Variants in LIN28B observed in about 807,000 individuals in gnomAD.
The protein encoded by LIN28B is protein lin-28 homolog B.
Under a neutral mutation model 21.9 loss-of-function variants are expected in LIN28B, and 5 were observed. The ratio of observed to expected loss-of-function variants is 0.23; its 90% confidence interval spans 0.12 to 0.48. LIN28B has a LOEUF of 0.48. LIN28B is among the 20% of genes least tolerant of loss of function. The pLI, the probability that LIN28B is intolerant of heterozygous loss-of-function variation, is 0.98. For missense variants in LIN28B, 245 were observed against 310.5 expected (o/e 0.79, Z 1.58); for synonymous variants, 109 against 111.3 (o/e 0.98, Z 0.13).
At chr6:104,991,723 A>G (rs898528829) in intron 2 of LIN28B, among the ~76,000 whole-genome samples, 26 of 152,192 alleles carry the variant, frequency 1.7e-4, no homozygotes, top group Non-Finnish European at 3.2e-4. Context: ...CCTGGGCAAC[A>G]TTGAGCACTG....
intron 2 of LIN28B, among the ~76,000 whole-genome samples, chr6:104,992,909 G>A (rs539961053): frequency 1.5e-4 from 23 of 152,002 alleles, no homozygotes; most frequent in Non-Finnish European, 2.4e-4. Flanking sequence ...TACAGTGTGC[G>A]TCCTCAATTT....
intron 3 of LIN28B, among the ~76,000 whole-genome samples, chr6:105,065,974 C>G (rs1772211660): frequency 6.6e-6 from 1 of 152,142 alleles, no homozygotes; most frequent in African/African-American, 2.4e-5. Context: ...AAGTTCGAGA[C>G]CAGCCTAGGC....
intron 2 of LIN28B, among the ~76,000 whole-genome samples, chr6:104,974,715 A>ATG (rs1562077959): frequency 6.6e-6 from 1 of 151,998 alleles, no homozygotes; most frequent in Non-Finnish European, 1.5e-5. Flanking sequence ...CAGTATGGTT[A>ATG]TGAATCTCAC....
At chr6:105,070,693 G>T (rs565476164) in intron 3 of LIN28B, among the ~76,000 whole-genome samples, 2 of 151,824 alleles carry the variant, frequency 1.3e-5, no homozygotes, top group South Asian at 4.2e-4. Context: ...GGTAGAGGAT[G>T]ATTGGGTTTG....
chr6:104,939,264 G>A (rs1778051538), intron 2 of LIN28B: 1 of 152,152 alleles, frequency 6.6e-6, no homozygotes, highest in Non-Finnish European at 1.5e-5. Flanking sequence ...TTATAACTAA[G>A]AATTGTATCT....
Position 104,994,561 on chromosome 6 carries a change from T to G in LIN28B, c.199-31737T>G, listed in dbSNP as rs536914340. 5.7e-4 allele frequency among the ~76,000 whole-genome samples: 87 copies of G among 152,250 alleles called. 1 individual carries two copies. The South Asian group carries it at 0.017, about 29-fold the overall frequency. On this transcript the variant is annotated intron_variant, in intron 2 of 3. Transcript: ENST00000345080. The stretch of plus-strand genomic sequence containing the variant: ...GTGACATAGATCCTGTTGGGAAAAT[T>G]TGTATATTGGAATCCCAAAAGGGGA...
chr6:104,998,526 C>G (rs988786863), intron 2 of LIN28B, among the ~76,000 whole-genome samples: 2 of 151,960 alleles, frequency 1.3e-5, no homozygotes, highest in African/African-American at 4.8e-5. Context: ...ACTTTTTTCT[C>G]TCCGTACTTG....
intron 2 of LIN28B, among the ~76,000 whole-genome samples, chr6:104,970,132 A>C (rs1464982659): frequency 1.3e-5 from 2 of 152,172 alleles, no homozygotes; most frequent in Non-Finnish European, 2.9e-5. Context: ...TTATATACTG[A>C]ATTTTGTCCC....
At chr6:105,077,087 G>A (rs970914457) in intron 3 of LIN28B, among the ~76,000 whole-genome samples, 2 of 151,742 alleles carry the variant, frequency 1.3e-5, no homozygotes, top group African/African-American at 2.4e-5. Context: ...AAAATTAGCC[G>A]GGCATGGTGG....
chr6:105,021,781 C>G (rs1771146398), intron 2 of LIN28B, among the ~76,000 whole-genome samples: 1 of 152,054 alleles, frequency 6.6e-6, no homozygotes, highest in Non-Finnish European at 1.5e-5. Context: ...TCTGTTCACT[C>G]TGTTGATTAT....
At chr6:104,942,417 A>G (rs1275139536) in intron 2 of LIN28B, among the ~76,000 whole-genome samples, 5 of 152,212 alleles carry the variant, frequency 3.3e-5, no homozygotes, top group Non-Finnish European at 5.9e-5. Context: ...AGTATAAAAC[A>G]TCACAGTTTT....
intron 2 of LIN28B, among the ~76,000 whole-genome samples, chr6:105,017,560 A>C (rs1771054641): frequency 6.6e-6 from 1 of 152,222 alleles, no homozygotes; most frequent in Non-Finnish European, 1.5e-5. Flanking sequence ...CCTAGTTTAC[A>C]GACAAGGAAA....
chr6:104,997,340 C>T (rs1050399171), intron 2 of LIN28B, among the ~76,000 whole-genome samples: 1 of 149,712 alleles, frequency 6.7e-6, no homozygotes, highest in Non-Finnish European at 1.5e-5. Flanking sequence ...AATATTTTTA[C>T]ATGGTTATAA....
At chr6:104,991,156 A>G (rs1229520825) in intron 2 of LIN28B, among the ~76,000 whole-genome samples, 5 of 92,302 alleles carry the variant, frequency 5.4e-5, no homozygotes, top group Non-Finnish European at 1.1e-4. Flanking sequence ...GCGCCCCCCC[A>G]CCTCCCGGAC....
At chr6:104,943,695 T>A (rs7754152) in intron 2 of LIN28B, among the ~76,000 whole-genome samples, 6 of 152,188 alleles carry the variant, frequency 3.9e-5, no homozygotes, top group African/African-American at 1.4e-4. Context: ...ATACTCAGTT[T>A]TTTTTGTTTA....
chr6:104,989,977 T>C (rs1350435582), intron 2 of LIN28B, among the ~76,000 whole-genome samples: 3 of 152,120 alleles, frequency 2.0e-5, no homozygotes, highest in Non-Finnish European at 2.9e-5. Context: ...CATCGGAGAC[T>C]ACTTTAACCA....
intron 2 of LIN28B, among the ~76,000 whole-genome samples, chr6:105,006,767 C>T (rs1435707957): frequency 7.9e-5 from 12 of 152,168 alleles, no homozygotes; most frequent in Non-Finnish European, 2.9e-5. Context: ...TTGAAACTTG[C>T]TTCCATAAGT....
chr6:104,990,701 G>T (rs1047307244), intron 2 of LIN28B, among the ~76,000 whole-genome samples: 25 of 152,212 alleles, frequency 1.6e-4, no homozygotes, highest in African/African-American at 5.8e-4. Context: ...CTAGGCAGAG[G>T]ACCCTGCGCC....
intron 3 of LIN28B, among the ~76,000 whole-genome samples, chr6:105,048,117 C>A (rs1035682665): frequency 6.6e-6 from 1 of 152,150 alleles, no homozygotes; most frequent in Non-Finnish European, 1.5e-5. Context: ...GGGAATGCTT[C>A]CAGTTTTTGC....
Sources: allele counts gnomAD v4.1 joint callset (sites outside exome capture counted in the v4.1 genomes callset), GRCh38; gene constraint gnomAD v4.1.1; transcripts MANE v1.5; gene names NCBI Gene and HGNC (gene_info 2026-07-23, HGNC 2026-07-21).